KANTR: variants seen among roughly 807,000 people sequenced by gnomAD.
The protein encoded by KANTR is KANTR integral membrane protein, also known as KDM5C adjacent transcript.
At chrX:53,124,527 A>C (rs1556815974) in exon 3 of KANTR, 1 of 294,079 alleles carries the variant, frequency 3.4e-6, no homozygotes, top group African/African-American at 2.8e-5. Context: ...TGAGCTCATT[A>C]GTTTTCATTC....
At chrX:53,112,068 C>T (rs1933050246) in intron 2 of KANTR, among the ~76,000 whole-genome samples, 1 of 110,529 alleles carries the variant, frequency 9.0e-6, no homozygotes, top group South Asian at 3.8e-4. Context: ...TTGGTGTACC[C>T]ATCACCCAAG....
At chrX:53,103,260 C>G (rs782051781) in intron 2 of KANTR, among the ~76,000 whole-genome samples, 21 of 110,913 alleles carry the variant, frequency 1.9e-4, no homozygotes, top group Middle Eastern at 4.7e-3. Flanking sequence ...ACAGGTGTGA[C>G]CCACTGTGCC....
chrX:53,143,057 C>G, downstream of KANTR: 1 of 1,203,215 alleles, frequency 8.3e-7, no homozygotes, highest in Non-Finnish European at 1.1e-6. Flanking sequence ...TTGCGGATGT[C>G]CACGTCACAC....
intron 2 of KANTR, among the ~76,000 whole-genome samples, chrX:53,107,975 C>T (rs1403214914): frequency 2.8e-5 from 3 of 108,717 alleles, no homozygotes; most frequent in African/African-American, 1.0e-4. Context: ...TTGCAACCTC[C>T]GCCTCCTGGG....
At chrX:53,115,349 G>C in intron 2 of KANTR, among the ~76,000 whole-genome samples, 1 of 112,437 alleles carries the variant, frequency 8.9e-6, no homozygotes, top group Non-Finnish European at 1.9e-5. Flanking sequence ...GTGCTGTGGA[G>C]GCTGGCCTGG....
At position 53,110,097 on chromosome X, in the gene KANTR, A is replaced by G. The variant is rs782693398; in HGVS notation, c.-805+10489A>G. The stretch of plus-strand genomic sequence containing the variant: ...TGGTGGAGTCTTTAGTATTTTCTAT[A>G]TATAAGATTGTGTCGTCTGCAAATG... On this transcript the variant is annotated intron_variant, in intron 2 of 2. Coordinates refer to ENST00000604062, the Ensembl canonical transcript of KANTR. Among the ~76,000 whole-genome samples the G allele has an allele frequency of 2.7e-5, 3 of 111,671 alleles. No homozygotes were observed. In the South Asian group the frequency reaches 1.1e-3, roughly 42 times the overall value.
downstream of KANTR, chrX:53,142,829 G>A (rs1933522789): frequency 1.4e-5 from 7 of 489,999 alleles, no homozygotes; most frequent in East Asian, 2.6e-4. Flanking sequence ...TCCATTTAGA[G>A]GCATTTGCAG....
At chrX:53,129,495 T>C (rs1933334512), downstream of KANTR, among the ~76,000 whole-genome samples, 1 of 111,126 alleles carries the variant, frequency 9.0e-6, no homozygotes, top group South Asian at 3.7e-4. Context: ...TGCCTTTTTT[T>C]CCCTTTATTC....
exon 1 of KANTR, chrX:53,094,214 A>G (rs1556810443): frequency 8.9e-6 from 1 of 112,448 alleles, no homozygotes; most frequent in Non-Finnish European, 1.9e-5. Flanking sequence ...TATCCTTCAG[A>G]TCTTGCTGTA....
intron 2 of KANTR, among the ~76,000 whole-genome samples, chrX:53,103,581 A>G: frequency 9.0e-6 from 1 of 110,772 alleles, no homozygotes; most frequent in East Asian, 2.8e-4. Context: ...TTTATCGGGC[A>G]CTGCCTCAGC....
At chrX:53,115,260 C>A (rs1459989413) in intron 2 of KANTR, among the ~76,000 whole-genome samples, 1 of 111,412 alleles carries the variant, frequency 9.0e-6, no homozygotes, top group African/African-American at 3.3e-5. Context: ...CATGGCCTGG[C>A]CTGGCACTGG....
chrX:53,109,431 T>G (rs1168830117), intron 2 of KANTR, among the ~76,000 whole-genome samples: 1 of 111,567 alleles, frequency 9.0e-6, no homozygotes, highest in Non-Finnish European at 1.9e-5. Context: ...ATTACAGATG[T>G]GTGCCACCAC....
chrX:53,119,040 CTTTCTT>C (rs1434692480), intron 2 of KANTR, among the ~76,000 whole-genome samples: 41 of 78,950 alleles, frequency 5.2e-4, no homozygotes, highest in South Asian at 7.5e-4. Flanking sequence ...TCTTATTTTT[CTTTCTT>C]TTTTTTTTTT....
intron 2 of KANTR, among the ~76,000 whole-genome samples, chrX:53,119,796 A>G (rs781822706): frequency 6.5e-5 from 7 of 107,292 alleles, no homozygotes; most frequent in Admixed American, 4.0e-4. Context: ...CTTGGCTCAT[A>G]GCAGCCTTGA....
rs782164528 is a variant in KANTR, at chrX:53,120,338, C to G, written c.-804-3131C>G. ...GGTGGGGGTTACCACGCTCGGCCCC[C>G]CTTTGTGTTTTTTTAAACACATTTC... On this transcript the variant is annotated intron_variant, in intron 2 of 2. Coordinates refer to ENST00000604062, the Ensembl canonical transcript of KANTR. Among the ~76,000 whole-genome samples, 7 of 111,994 alleles carry G rather than the reference C, an allele frequency of 6.3e-5. No homozygotes were observed. In the South Asian group the frequency reaches 1.1e-3, roughly 18 times the overall value.
chrX:53,143,341 T>C, downstream of KANTR: 1 of 728,539 alleles, frequency 1.4e-6, no homozygotes, highest in Non-Finnish European at 2.1e-6. Context: ...GGTGAGGATC[T>C]TCATGAGGTA....
At chrX:53,117,014 G>A (rs1933134479) in intron 2 of KANTR, among the ~76,000 whole-genome samples, 1 of 111,663 alleles carries the variant, frequency 9.0e-6, no homozygotes, top group East Asian at 2.8e-4. Context: ...GGGCGCGGCG[G>A]CTCACACCTG....
At chrX:53,144,585 A>G (rs941522868), downstream of KANTR, among the ~76,000 whole-genome samples, 1 of 111,094 alleles carries the variant, frequency 9.0e-6, no homozygotes, top group African/African-American at 3.3e-5. Flanking sequence ...AATCCCAGCT[A>G]CTTGGGAGGC....
downstream of KANTR, chrX:53,143,829 T>C: frequency 2.1e-6 from 1 of 482,479 alleles, no homozygotes; most frequent in Non-Finnish European, 3.9e-6. Flanking sequence ...GGAACACAGC[T>C]CAGGGGCCAT....
Sources: allele counts gnomAD v4.1 joint callset (sites outside exome capture counted in the v4.1 genomes callset), GRCh38; gene constraint gnomAD v4.1.1; transcripts MANE v1.5; gene names NCBI Gene and HGNC (gene_info 2026-07-23, HGNC 2026-07-21).